LDLRAD1: variants seen among roughly 807,000 people sequenced by gnomAD.
LDLRAD1 encodes the protein low-density lipoprotein receptor class A domain-containing protein 1.
In LDLRAD1, 17 loss-of-function variants were observed where a neutral mutation model predicts 24.8. That is an observed-to-expected ratio of 0.69 (90% CI 0.47 to 1.03). LDLRAD1 has a LOEUF of 1.03. Among genes scored for constraint, LDLRAD1 ranks in the 50% least tolerant of loss-of-function variants. LDLRAD1 has a pLI of 0.00. For synonymous variants in LDLRAD1, 103 were observed against 108.2 expected, an observed-to-expected ratio of 0.95 and a Z score of 0.30; for missense variants, 277 against 271.0, an observed-to-expected ratio of 1.02 and a Z score of -0.16.
In LDLRAD1 at chr1:54,008,511, T is replaced by A. The variant is rs993616828; in HGVS notation, c.*471A>T. On this transcript the variant is annotated 3_prime_UTR_variant, in exon 6 of 6. Coordinates refer to ENST00000371360, the MANE Select transcript of LDLRAD1 (RefSeq NM_001010978.4). ...GGCCCCAGAGACAGGCATGAAATCA[T>A]GGAAGCAGATTCCCTTCGTCTTTGT... 1.3e-5 allele frequency: 2 copies of A among 155,270 alleles called. No homozygotes were observed. The highest frequency in any genetic ancestry group is 4.8e-5 in the African/African-American group (2 of 41,480). The allele number at this position is 155,270 out of a possible 1,614,324, so 9.6% of individuals were successfully genotyped here.
In LDLRAD1 at chr1:54,009,062, A is replaced by G. The variant is rs1185048972; in HGVS notation, c.538T>C (p.Cys180Arg). 5 of 1,614,070 alleles carry G rather than the reference A, an allele frequency of 3.1e-6. No individual in the cohort carries two copies. Among genetic ancestry groups the G allele is most frequent in the South Asian group, 1.1e-5 (1 of 91,082 alleles). ...CPSTFFKYCD[C>R]IPRHLCRDHV... ...TCGCGGCAGAGATGCCTCGGTATAC[A>G]GTCGCAGTACTTGAAGAAGGTTGAA... The change falls in exon 6 of 6, where the codon TGT becomes CGT. Residue 180 changes from cysteine (C) to arginine (R), a missense_variant. Coordinates refer to ENST00000371360, the MANE Select transcript of LDLRAD1 (RefSeq NM_001010978.4).
Position 54,014,379 on chromosome 1 carries a change from A to G in LDLRAD1, c.74-15T>C, listed in dbSNP as rs919342124. On this transcript the variant is annotated splice_polypyrimidine_tract_variant and intron_variant, in intron 2 of 5. Coordinates refer to ENST00000371360, the MANE Select transcript of LDLRAD1 (RefSeq NM_001010978.4). ...GCCGCCGCCTGCTGTGTGGGGGGGA[A>G]ACAAGCCCGGGGGTGGTGGTGATAG... 2.8e-5 allele frequency: 35 copies of G among 1,240,546 alleles called. 1 individual carries two copies. In the Admixed American group the frequency reaches 5.3e-4, roughly 19 times the overall value. The allele number at this position is 1,240,546 out of a possible 1,614,324, so 76.8% of individuals were successfully genotyped here. A position where few individuals can be genotyped will look rare whatever the true frequency, so the allele number is the denominator to read the frequency against.
Position 54,012,064 on chromosome 1 carries a change from T to C in LDLRAD1, c.340+79A>G, listed in dbSNP as rs926924359. 8 of 1,548,732 alleles carry C rather than the reference T, an allele frequency of 5.2e-6. No homozygotes were observed. The African/African-American group carries it at 8.1e-5, about 16-fold the overall frequency. On this transcript the variant is annotated intron_variant, in intron 4 of 5. Coordinates refer to ENST00000371360, the MANE Select transcript of LDLRAD1 (RefSeq NM_001010978.4). The stretch of plus-strand genomic sequence containing the variant: ...AAAGCCATGGGGACTTGAAGGTGCC[T>C]GATGTGTTCAGTATGGATGCCAAGA...
intron 2 of LDLRAD1, among the ~76,000 whole-genome samples, chr1:54,014,587 C>T (rs963659268): frequency 6.6e-6 from 1 of 152,338 alleles, no homozygotes; most frequent in African/African-American, 2.4e-5. Context: ...CAGGGGCCCA[C>T]AGCTGGCTGA....
chr1:54,008,907 C>CCGTATCATTAAAAAAAAAAAAA lies in LDLRAD1; in HGVS notation c.*74_*75insTTTTTTTTTTTTTAATGATACG. On this transcript the variant is annotated 3_prime_UTR_variant, in exon 6 of 6. Coordinates refer to ENST00000371360, the MANE Select transcript of LDLRAD1 (RefSeq NM_001010978.4). Reference sequence around the variant, plus strand: ...AAAGGCTGCTTCCTGCCCTTGTGCGCTAGGATTTGATTTTCATGTGAAGGG... The same window carrying CCGTATCATTAAAAAAAAAAAAA: ...AAAGGCTGCTTCCTGCCCTTGTGCGCCGTATCATTAAAAAAAAAAAAATAGGATTTGATTTTCATGTGAAGGG... The CCGTATCATTAAAAAAAAAAAAA allele has an allele frequency of 7.2e-7, 1 of 1,397,710 alleles. No individual in the cohort carries two copies. Among genetic ancestry groups the CCGTATCATTAAAAAAAAAAAAA allele is most frequent in the Non-Finnish European group, 9.8e-7 (1 of 1,020,100 alleles). The allele number at this position is 1,397,710 out of a possible 1,614,324, so 86.6% of individuals were successfully genotyped here.
Position 54,014,376 on chromosome 1 carries a change from G to A in LDLRAD1, c.74-12C>T, listed in dbSNP as rs1557663670. The A allele has an allele frequency of 6.9e-7, 1 of 1,442,500 alleles. No individual in the cohort carries two copies. 89.4% of individuals were successfully genotyped at this position (1,442,500 alleles called of 1,614,324 possible). Reference sequence around the variant, plus strand: ...GTGGCCGCCGCCTGCTGTGTGGGGGGGAAACAAGCCCGGGGGTGGTGGTGA... The same window carrying A: ...GTGGCCGCCGCCTGCTGTGTGGGGGAGAAACAAGCCCGGGGGTGGTGGTGA... On this transcript the variant is annotated splice_polypyrimidine_tract_variant and intron_variant, in intron 2 of 5. Coordinates refer to ENST00000371360, the MANE Select transcript of LDLRAD1 (RefSeq NM_001010978.4).
intron 3 of LDLRAD1, among the ~76,000 whole-genome samples, chr1:54,013,487 A>T (rs1569894175): frequency 8.1e-6 from 1 of 124,046 alleles, no homozygotes; most frequent in African/African-American, 3.3e-5. Context: ...CTGGACTATG[A>T]CCTCCCTTCT....
At chr1:54,012,575 C>G (rs1656107408) in intron 3 of LDLRAD1, among the ~76,000 whole-genome samples, 1 of 152,170 alleles carries the variant, frequency 6.6e-6, no homozygotes, top group African/African-American at 2.4e-5. Context: ...AAACATAGAA[C>G]AGAAAATGTG....
intron 1 of LDLRAD1, 25 bp downstream of exon 1, chr1:54,018,067 A>ACTCTCACCTGGGGACAG (rs1286024654): frequency 6.3e-7 from 1 of 1,595,480 alleles, no homozygotes; most frequent in African/African-American, 1.3e-5. Flanking sequence ...CTTGGAGACA[A>ACTCTCACCTGGGGACAG]CTCTCACCTG....
chr1:54,009,088 G>C lies in LDLRAD1; in HGVS notation c.512C>G (p.Pro171Arg), dbSNP rs773353332. Residue 171 changes from proline to arginine, a missense_variant, in exon 6 of 6, where the codon CCT (proline) becomes CGT (arginine). Pro to Arg is a moderately radical substitution (Grantham distance 103). Coordinates refer to ENST00000371360, the MANE Select transcript of LDLRAD1 (RefSeq NM_001010978.4). Reference sequence around the variant, plus strand: ...GTCGCAGTACTTGAAGAAGGTTGAAGGACAGCGCCACCACCCAGGGCCGCA... The same window carrying C: ...GTCGCAGTACTTGAAGAAGGTTGAACGACAGCGCCACCACCCAGGGCCGCA... ...PPCGPGWWRC[P>R]STFFKYCDCI... 2 of 1,613,962 alleles carry C rather than the reference G, an allele frequency of 1.2e-6. No individual in the cohort carries two copies. Among genetic ancestry groups the C allele is most frequent in the African/African-American group, 2.7e-5 (2 of 74,988 alleles).
chr1:54,016,000 G>A (rs1656290380), intron 2 of LDLRAD1, among the ~76,000 whole-genome samples: 1 of 152,146 alleles, frequency 6.6e-6, no homozygotes, highest in African/African-American at 2.4e-5. Flanking sequence ...GGGGGTCCAG[G>A]AGGCAAGAGA....
chr1:54,014,735 T>G (rs920924323), intron 2 of LDLRAD1, among the ~76,000 whole-genome samples: 21 of 152,220 alleles, frequency 1.4e-4, no homozygotes, highest in African/African-American at 5.1e-4. Context: ...GCGTGCTTTA[T>G]TTTTCAAAAC....
intron 2 of LDLRAD1, among the ~76,000 whole-genome samples, 168 bp downstream of exon 2, chr1:54,017,208 G>A (rs1281495346): frequency 6.6e-6 from 1 of 152,228 alleles, no homozygotes; most frequent in Non-Finnish European, 1.5e-5. Context: ...TATTAAGCAA[G>A]TGACTGTCAG....
At chr1:54,012,095 G>A (rs774832365) in intron 4 of LDLRAD1, 48 bp downstream of exon 4, 21 of 1,605,586 alleles carry the variant, frequency 1.3e-5, no homozygotes, top group Non-Finnish European at 1.8e-5. Flanking sequence ...CAAGAGCATC[G>A]GAGTGTGGGG....
chr1:54,016,607 C>G (rs1569902695), intron 2 of LDLRAD1, among the ~76,000 whole-genome samples: 2 of 152,318 alleles, frequency 1.3e-5, no homozygotes, highest in Middle Eastern at 6.8e-3. Flanking sequence ...AACACCAGCT[C>G]GGAGCAACAA....
chr1:54,016,954 G>A (rs1055748292), intron 2 of LDLRAD1, among the ~76,000 whole-genome samples: 2 of 152,180 alleles, frequency 1.3e-5, no homozygotes, highest in Non-Finnish European at 2.9e-5. Context: ...TTTTCAGAAG[G>A]GTAAAGAGGA....
chr1:54,017,880 C>G (rs910253155), intron 1 of LDLRAD1, among the ~76,000 whole-genome samples: 2 of 152,100 alleles, frequency 1.3e-5, no homozygotes, highest in African/African-American at 4.8e-5. Flanking sequence ...GATTTTCCTC[C>G]GTGTCTCCCA....
chr1:54,010,378 C>T lies in LDLRAD1; in HGVS notation c.373G>A (p.Val125Met). Residue 125 changes from valine to methionine, a missense_variant, in exon 5 of 6, where the codon GTG (valine) becomes ATG (methionine). Coordinates refer to ENST00000371360, the MANE Select transcript of LDLRAD1 (RefSeq NM_001010978.4). ...DVPQSLPHFL[V>M]AHCGDPASWI... ...GAGGCCGGGTCTCCACAGTGGGCCA[C>T]AAGGAAGTGGGGGAGGCTCTGGGGC... 6.2e-7 allele frequency: 1 copy of T among 1,613,978 alleles called. No individual in the cohort carries two copies.
Position 54,008,942 on chromosome 1 carries a change from C to A in LDLRAD1, c.*40G>T. On this transcript the variant is annotated 3_prime_UTR_variant, in exon 6 of 6. Transcript: ENST00000371360. ...ATTTTCATGTGAAGGGTTATCAGTGCCATTCCAGCCAGCCTTCCATGCTGG... is the reference window on the plus strand; with the variant it reads ...ATTTTCATGTGAAGGGTTATCAGTGACATTCCAGCCAGCCTTCCATGCTGG... 2.5e-6 allele frequency: 4 copies of A among 1,582,828 alleles called. No homozygotes were observed. The highest frequency in any genetic ancestry group is 1.8e-5 in the Admixed American group (1 of 56,396).
Sources: gnomAD v4.1 joint callset for allele counts (sites outside exome capture counted in the v4.1 genomes callset) on GRCh38, gnomAD v4.1.1 for gene constraint, MANE v1.5 for transcripts, NCBI Gene and HGNC (gene_info 2026-07-23, HGNC 2026-07-21) for gene names.